The following CAMK1D variants were observed in gnomAD, a reference collection of about 807,000 sequenced individuals.
CAMK1D encodes calcium/calmodulin-dependent protein kinase type 1D.
CAMK1D carries 9 observed loss-of-function variants against 47.7 expected under a neutral mutation model. That is an observed-to-expected ratio of 0.19 (90% CI 0.11 to 0.33). CAMK1D has a LOEUF of 0.33. Ranked by LOEUF, CAMK1D falls within the 10% of genes least tolerant of loss-of-function variation. The probability of loss-of-function intolerance (pLI) is 1.00; values close to 1 mark genes in which losing one functional copy is unlikely to be tolerated. For missense variants in CAMK1D, 291 were observed against 488.7 expected (o/e 0.60, Z 3.81); for synonymous variants, 184 against 184.9 (o/e 0.99, Z 0.04).
intron 2 of CAMK1D, among the ~76,000 whole-genome samples, chr10:12,661,095 C>A (rs1310460716): frequency 6.6e-6 from 1 of 152,136 alleles, no homozygotes; most frequent in African/African-American, 2.4e-5. Flanking sequence ...TTCAACATGT[C>A]TTTTTCTGAT....
At chr10:12,745,889 C>T (rs191167195) in intron 3 of CAMK1D, among the ~76,000 whole-genome samples, 315 of 152,340 alleles carry the variant, frequency 2.1e-3, no homozygotes, top group Admixed American at 5.0e-3. Context: ...CAGGCATGAG[C>T]TACTTTGCCT....
intron 1 of CAMK1D, among the ~76,000 whole-genome samples, chr10:12,507,962 T>C (rs2768447): frequency 0.57 from 86,794 of 151,986 alleles, 25,087 homozygotes; most frequent in South Asian, 0.71. Context: ...TGTTCCCAGA[T>C]CTCTGAATGC....
intron 3 of CAMK1D, among the ~76,000 whole-genome samples, chr10:12,742,478 A>T (rs1835475482): frequency 6.6e-6 from 1 of 152,236 alleles, no homozygotes; most frequent in Admixed American, 6.5e-5. Context: ...TTTCGAATGT[A>T]CAATTGAATG....
chr10:12,799,161 G>A (rs2482031), intron 6 of CAMK1D, among the ~76,000 whole-genome samples: 10,871 of 152,176 alleles, frequency 0.071, 895 homozygotes, highest in East Asian at 0.4. Flanking sequence ...CCCACGACTC[G>A]ACGCAACACC....
intron 1 of CAMK1D, among the ~76,000 whole-genome samples, chr10:12,441,403 C>T (rs1421358233): frequency 6.6e-6 from 1 of 151,898 alleles, no homozygotes; most frequent in East Asian, 1.9e-4. Context: ...CACCATCTTG[C>T]CCAGGCTGGT....
chr10:12,701,481 A>G lies in CAMK1D; in HGVS notation c.299+34671A>G, dbSNP rs202102881. On this transcript the variant is annotated intron_variant, in intron 3 of 10. Coordinates refer to ENST00000619168, the MANE Select transcript of CAMK1D (RefSeq NM_153498.4). ...TCTTCCAGTATGGGCTGGCCTGGGG[A>G]TGGGGAGGACGAAGGTCTACCCCAG... 3.1e-4 allele frequency among the ~76,000 whole-genome samples: 47 copies of G among 152,212 alleles called. No homozygotes were observed. In the East Asian group the frequency reaches 8.1e-3, roughly 26 times the overall value.
At chr10:12,824,660 T>C in intron 9 of CAMK1D, 108 bp downstream of exon 9, 1 of 824,396 alleles carries the variant, frequency 1.2e-6, no homozygotes, top group East Asian at 2.7e-5. Context: ...ATAATTTTGC[T>C]AATTTTAACT....
intron 2 of CAMK1D, among the ~76,000 whole-genome samples, chr10:12,572,724 T>G (rs900867334): frequency 6.6e-6 from 1 of 152,136 alleles, no homozygotes; most frequent in Non-Finnish European, 1.5e-5. Flanking sequence ...CTCAAGCTCC[T>G]GGGCTTAAGT....
At chr10:12,487,366 C>G (rs1164165813) in intron 1 of CAMK1D, among the ~76,000 whole-genome samples, 1 of 152,156 alleles carries the variant, frequency 6.6e-6, no homozygotes, top group Admixed American at 6.5e-5. Flanking sequence ...TTCAAATGAA[C>G]TACCCCACAC....
intron 1 of CAMK1D, among the ~76,000 whole-genome samples, chr10:12,356,699 G>C (rs1837527746): frequency 6.8e-6 from 1 of 146,618 alleles, no homozygotes; most frequent in Non-Finnish European, 1.5e-5. Context: ...TCCAGCCTGG[G>C]TGACACAGTG....
At chr10:12,357,767 T>C (rs1837559926) in intron 1 of CAMK1D, among the ~76,000 whole-genome samples, 1 of 152,218 alleles carries the variant, frequency 6.6e-6, no homozygotes, top group Non-Finnish European at 1.5e-5. Context: ...CGGGAAAGAT[T>C]CCAGCCTGAT....
intron 3 of CAMK1D, among the ~76,000 whole-genome samples, chr10:12,718,078 G>T (rs1834225702): frequency 6.6e-6 from 1 of 151,882 alleles, no homozygotes; most frequent in African/African-American, 2.4e-5. Flanking sequence ...CTAAGTAGGA[G>T]CTTCTCTTCT....
chr10:12,820,054 G>A (rs1056585393), intron 8 of CAMK1D, among the ~76,000 whole-genome samples: 25 of 152,288 alleles, frequency 1.6e-4, no homozygotes, highest in Admixed American at 1.2e-3. Context: ...ACGCTGCACC[G>A]GAGGTGGTGG....
At chr10:12,789,646 T>C (rs139259721) in intron 5 of CAMK1D, among the ~76,000 whole-genome samples, 1 of 152,144 alleles carries the variant, frequency 6.6e-6, no homozygotes, top group Non-Finnish European at 1.5e-5. Context: ...ACATTCCCAC[T>C]GGGTAACGTT....
At chr10:12,688,476 G>A (rs1832742497) in intron 3 of CAMK1D, among the ~76,000 whole-genome samples, 1 of 152,078 alleles carries the variant, frequency 6.6e-6, no homozygotes. Context: ...ATTACAAACA[G>A]GTCAGTAGAA....
chr10:12,627,222 C>T (rs1839246284), intron 2 of CAMK1D, among the ~76,000 whole-genome samples: 1 of 151,848 alleles, frequency 6.6e-6, no homozygotes, highest in Non-Finnish European at 1.5e-5. Flanking sequence ...GCTGGGACTA[C>T]AGGTGCCTGC....
intron 1 of CAMK1D, among the ~76,000 whole-genome samples, chr10:12,461,583 G>A (rs533284612): frequency 3.3e-4 from 50 of 151,874 alleles, no homozygotes; most frequent in East Asian, 3.9e-4. Context: ...CAGCTACTCC[G>A]GAGGCTGAGG....
intron 1 of CAMK1D, among the ~76,000 whole-genome samples, chr10:12,395,550 T>C (rs1838911844): frequency 6.6e-6 from 1 of 152,136 alleles, no homozygotes; most frequent in South Asian, 2.1e-4. Flanking sequence ...CAGGCTGGAA[T>C]TCAGGGCTTC....
intron 2 of CAMK1D, among the ~76,000 whole-genome samples, chr10:12,608,327 A>G (rs1838523789): frequency 6.6e-6 from 1 of 152,230 alleles, no homozygotes. Flanking sequence ...CTGAGGCAAG[A>G]GAATCACTTG....
Sources: gnomAD v4.1 joint callset for allele counts (sites outside exome capture counted in the v4.1 genomes callset) on GRCh38, gnomAD v4.1.1 for gene constraint, MANE v1.5 for transcripts, NCBI Gene and HGNC (gene_info 2026-07-23, HGNC 2026-07-21) for gene names.